Variants in G3BP2 observed in about 807,000 individuals in gnomAD.
G3BP2 encodes the protein ras GTPase-activating protein-binding protein 2.
A neutral mutation model predicts 56.7 loss-of-function variants in G3BP2; 11 were observed. That is an observed-to-expected ratio of 0.19 (90% CI 0.12 to 0.32). The LOEUF (loss-of-function observed/expected upper bound fraction) is 0.32, where lower values mean the gene tolerates loss of function less well. G3BP2 is among the 10% of genes least tolerant of loss of function. The pLI, the probability that G3BP2 is intolerant of heterozygous loss-of-function variation, is 1.00. For synonymous variants in G3BP2, 165 were observed against 191.6 expected, an observed-to-expected ratio of 0.86 and a Z score of 1.15; for missense variants, 340 against 610.9, an observed-to-expected ratio of 0.56 and a Z score of 4.67.
chr4:75,723,890 T>A (rs1395518758), intron 1 of G3BP2, among the ~76,000 whole-genome samples: 1 of 136,102 alleles, frequency 7.3e-6, no homozygotes, highest in Non-Finnish European at 1.5e-5. Flanking sequence ...AAATGACAAT[T>A]TTTCATGTTA....
chr4:75,683,250 G>A (rs1030882701), intron 3 of G3BP2, among the ~76,000 whole-genome samples: 1 of 151,988 alleles, frequency 6.6e-6, no homozygotes, highest in South Asian at 2.1e-4. Context: ...TTATAACTAG[G>A]GCAGGAATGG....
chr4:75,656,018 T>C, intron 5 of G3BP2, 148 bp from the exon 6 acceptor site: 1 of 567,080 alleles, frequency 1.8e-6, no homozygotes, highest in Non-Finnish European at 3.1e-6. Context: ...TGAGATGGAG[T>C]CTTGTTCTGT....
rs186919690 is a variant in G3BP2 at position 75,716,486 on chromosome 4, C to A, written c.-25+4391G>T. Among the ~76,000 whole-genome samples the A allele has an allele frequency of 6.7e-5, 10 of 148,680 alleles. No individual in the cohort carries two copies. The East Asian group carries it at 1.4e-3, about 21-fold the overall frequency. On this transcript the variant is annotated intron_variant, in intron 3 of 3. Coordinates refer to the G3BP2 transcript ENST00000499709. ...CACCACACCCGGCCCTCTTCTAGTT[C>A]TTGTTTTTTTTTGTTTTTCTTTGTT...
At chr4:75,718,649 T>C (rs1241010297) in intron 3 of G3BP2, among the ~76,000 whole-genome samples, 1 of 152,190 alleles carries the variant, frequency 6.6e-6, no homozygotes, top group African/African-American at 2.4e-5. Flanking sequence ...AGACTTCTAC[T>C]CCTTGCTTTA....
chr4:75,682,619 G>A (rs758566966), intron 3 of G3BP2, among the ~76,000 whole-genome samples: 48 of 152,268 alleles, frequency 3.2e-4, no homozygotes, highest in Non-Finnish European at 6.8e-4. Flanking sequence ...AAAATACAGG[G>A]CTTTCATCAG....
chr4:75,709,422 A>AG (rs1719672423), intron 3 of G3BP2, among the ~76,000 whole-genome samples: 1 of 148,646 alleles, frequency 6.7e-6, no homozygotes, highest in African/African-American at 2.5e-5. Flanking sequence ...TCCGTCTCAA[A>AG]AAAAAAAAAA....
At chr4:75,682,054 C>G (rs1299555693) in intron 3 of G3BP2, among the ~76,000 whole-genome samples, 1 of 152,064 alleles carries the variant, frequency 6.6e-6, no homozygotes, top group Non-Finnish European at 1.5e-5. Context: ...TGATTAACAT[C>G]TTGGGTGGGA....
chr4:75,708,581 T>C (rs998525540), intron 3 of G3BP2, among the ~76,000 whole-genome samples: 12 of 152,320 alleles, frequency 7.9e-5, no homozygotes, highest in Middle Eastern at 3.4e-3. Flanking sequence ...AAGCAGTAAT[T>C]TGTGAGACCT....
intron 2 of G3BP2, among the ~76,000 whole-genome samples, chr4:75,660,648 TCAA>T (rs973059695): frequency 1.2e-4 from 18 of 152,308 alleles, no homozygotes; most frequent in African/African-American, 4.3e-4. Flanking sequence ...ACACGTATGT[TCAA>T]CAGAGCAAGA....
At position 75,669,310 on chromosome 4, in the gene G3BP2, T is replaced by C. The variant is rs546838124; in HGVS notation, c.-25+3898A>G. On this transcript the variant is annotated intron_variant, in intron 1 of 11. Coordinates refer to ENST00000359707, the MANE Select transcript of G3BP2 (RefSeq NM_203505.3). Reference sequence around the variant, plus strand: ...AAGAAAGCTATTTCCTTATTTCTGTTAAAAGTGTCATAATCTTCTCAACTT... The same window carrying C: ...AAGAAAGCTATTTCCTTATTTCTGTCAAAAGTGTCATAATCTTCTCAACTT... Among the ~76,000 whole-genome samples, 6 of 152,346 alleles carry C rather than the reference T, an allele frequency of 3.9e-5. No homozygotes were observed. The South Asian group carries it at 1.0e-3, about 26-fold the overall frequency.
At chr4:75,709,181 G>A (rs1344535864) in intron 3 of G3BP2, among the ~76,000 whole-genome samples, 3 of 151,952 alleles carry the variant, frequency 2.0e-5, no homozygotes, top group Admixed American at 6.6e-5. Context: ...CAGCACTTTG[G>A]GAGGCTGAGG....
exon 3 of G3BP2, among the ~76,000 whole-genome samples, chr4:75,720,929 G>A (rs942643807): frequency 7.0e-6 from 1 of 143,306 alleles, no homozygotes; most frequent in Non-Finnish European, 1.5e-5. Flanking sequence ...TTGAGGCCGG[G>A]AGTTTGACAT....
chr4:75,702,928 A>G (rs1209691573), intron 3 of G3BP2, among the ~76,000 whole-genome samples: 1 of 152,216 alleles, frequency 6.6e-6, no homozygotes, highest in Admixed American at 6.5e-5. Context: ...TGGATGCATT[A>G]TCTGGGGCAA....
At chr4:75,653,907 T>A in intron 8 of G3BP2, 76 bp downstream of exon 8, 1 of 716,458 alleles carries the variant, frequency 1.4e-6, no homozygotes, top group Non-Finnish European at 2.5e-6. Flanking sequence ...GATTGACTCA[T>A]TTTTAAAAGT....
intron 3 of G3BP2, among the ~76,000 whole-genome samples, chr4:75,710,744 A>G (rs373359415): frequency 6.6e-6 from 1 of 151,694 alleles, no homozygotes; most frequent in Admixed American, 6.6e-5. Context: ...ATAGCTCACT[A>G]CATCCTCAAA....
At chr4:75,723,275 T>C (rs1218482520) in intron 1 of G3BP2, among the ~76,000 whole-genome samples, 1 of 152,176 alleles carries the variant, frequency 6.6e-6, no homozygotes, top group African/African-American at 2.4e-5. Flanking sequence ...CACTTTATTC[T>C]GGACAGAATG....
rs1731137822 is a variant in G3BP2, at chr4:75,645,353, A to G, written c.*77T>C. On this transcript the variant is annotated 3_prime_UTR_variant, in exon 12 of 12. Transcript: ENST00000359707. ...TCAAAAAGGCTGTGTCACATTCCAA[A>G]GCCAAAAAAAAAATTAACAAGAATG... 7.1e-7 allele frequency: 1 copy of G among 1,407,862 alleles called. No individual in the cohort carries two copies. The highest frequency in any genetic ancestry group is 9.7e-7 in the Non-Finnish European group (1 of 1,033,424). The allele number at this position is 1,407,862 out of a possible 1,614,324, so 87.2% of individuals were successfully genotyped here.
chr4:75,720,501 C>CAA (rs34007469), intron 3 of G3BP2, among the ~76,000 whole-genome samples: 8 of 115,784 alleles, frequency 6.9e-5, no homozygotes, highest in African/African-American at 1.2e-4. Flanking sequence ...GACTCCGTCT[C>CAA]AAAAAAAAAA....
At chr4:75,672,167 T>G (rs922108609) in intron 1 of G3BP2, among the ~76,000 whole-genome samples, 1 of 152,192 alleles carries the variant, frequency 6.6e-6, no homozygotes, top group Non-Finnish European at 1.5e-5. Flanking sequence ...TGCCTTTTTT[T>G]TGTTGTTGTT....
Sources: allele counts gnomAD v4.1 joint callset (sites outside exome capture counted in the v4.1 genomes callset), GRCh38; gene constraint gnomAD v4.1.1; transcripts MANE v1.5; gene names NCBI Gene and HGNC (gene_info 2026-07-23, HGNC 2026-07-21).